RGL2: variants seen among roughly 807,000 people sequenced by gnomAD.
RGL2 encodes ral guanine nucleotide dissociation stimulator like 2.
Under a neutral mutation model 84.6 loss-of-function variants are expected in RGL2, and 40 were observed. That is an observed-to-expected ratio of 0.47 (90% CI 0.37 to 0.62). The LOEUF (loss-of-function observed/expected upper bound fraction) is 0.62, where lower values mean the gene tolerates loss of function less well. Ranked by LOEUF, RGL2 falls within the 20% of genes least tolerant of loss-of-function variation. RGL2 has a pLI of 0.00. For synonymous variants in RGL2, 369 were observed against 417.3 expected (o/e 0.88, Z 1.41); for missense variants, 865 against 1,019.7 (o/e 0.85, Z 2.07).
chr6:33,293,094 CCCAGATCCCTCTCCCCCATAT>C lies in RGL2; in HGVS notation c.1908_1928del (p.Tyr637_Gly643del). 1 of 1,614,184 alleles carries C rather than the reference CCCAGATCCCTCTCCCCCATAT, an allele frequency of 6.2e-7. No homozygotes were observed. Among genetic ancestry groups the C allele is most frequent in the South Asian group, 1.1e-5 (1 of 91,088 alleles). On this transcript the variant is annotated inframe_deletion, in exon 16 of 18. Transcript: ENST00000497454. The surrounding 1 kb of genome is among the most constrained non-coding windows in gnomAD (Gnocchi z 7.0). ...TGATACGGCAATCAGAGGCCCCTGG[CCCAGATCCCTCTCCCCCATAT>C]CCAGTCCCCCCGGAGGCCTCTTCTG...
chr6:33,294,936 T>A lies in RGL2; in HGVS notation c.1278+41A>T, dbSNP rs1767794179. 2 of 1,547,300 alleles carry A rather than the reference T, an allele frequency of 1.3e-6. No homozygotes were observed. The highest frequency in any genetic ancestry group is 1.7e-6 in the Non-Finnish European group (2 of 1,144,580). On this transcript the variant is annotated intron_variant, in intron 10 of 17. Transcript: ENST00000497454. This position sits in a 1 kb window ranked among gnomAD's most constrained non-coding sequence, Gnocchi z 5.0. Reference sequence around the variant, plus strand: ...CCAAAACATACTCCTCACCCCTTCATAATCACCACCCCCACGCCCACCACC... The same window carrying A: ...CCAAAACATACTCCTCACCCCTTCAAAATCACCACCCCCACGCCCACCACC...
Position 33,296,996 on chromosome 6 carries a change from A to C in RGL2, c.240+36T>G. The C allele has an allele frequency of 6.3e-7, 1 of 1,592,042 alleles. No individual in the cohort carries two copies. Among genetic ancestry groups the C allele is most frequent in the Non-Finnish European group, 8.6e-7 (1 of 1,164,316 alleles). ...CCAGAGGAAGGAAAACTGGGAATGA[A>C]GAGTCAGAGGTGAGAAGCTAAAGTC... On this transcript the variant is annotated intron_variant, in intron 3 of 17. Coordinates refer to ENST00000497454, the MANE Select transcript of RGL2 (RefSeq NM_004761.5). This position sits in a 1 kb window ranked among gnomAD's most constrained non-coding sequence, Gnocchi z 5.0.
Position 33,297,121 on chromosome 6 carries a change from G to A in RGL2, c.157-6C>T. On this transcript the variant is annotated splice_region_variant and splice_polypyrimidine_tract_variant and intron_variant, in intron 2 of 17. Transcript: ENST00000497454. The surrounding 1 kb of genome is among the most constrained non-coding windows in gnomAD (Gnocchi z 4.0). ...TCCCAGACGGACACAGGGGCCTGGAGGAGCAAGGAAGGGGAAGTCAGACAG... is the reference window on the plus strand; with the variant it reads ...TCCCAGACGGACACAGGGGCCTGGAAGAGCAAGGAAGGGGAAGTCAGACAG... 1.9e-6 allele frequency: 3 copies of A among 1,543,228 alleles called. No homozygotes were observed. The highest frequency in any genetic ancestry group is 1.8e-4 in the Middle Eastern group (1 of 5,682).
Position 33,297,068 on chromosome 6 carries a change from G to A in RGL2, c.204C>T (p.Thr68=), listed in dbSNP as rs35149921. Residue 68 remains threonine, a synonymous_variant, in exon 3 of 18, where the codon ACC becomes ACT. Coordinates refer to ENST00000497454, the MANE Select transcript of RGL2 (RefSeq NM_004761.5). This position sits in a 1 kb window ranked among gnomAD's most constrained non-coding sequence, Gnocchi z 4.0. ...WDEEEDGAVF[T]VTSRQYRPLD... ...GAGGTCGATATTGGCGGCTTGTGAC[G>A]GTAAACACGGCACCATCCTCCTCCT... The A allele has an allele frequency of 2.2e-3, 3,516 of 1,574,616 alleles. 56 individuals are homozygous for A. In the African/African-American group the frequency reaches 0.038, roughly 17 times the overall value.
At position 33,295,357 on chromosome 6, in the gene RGL2, G is replaced by T; in HGVS notation, c.1086C>A (p.Pro362=). The part of the protein sequence containing the change: ...YAVVSALQSS[P]IHRLRAAWGE... ...CCCAGGCTGCCCGAAGCCTGTGGAT[G>T]GGGCTGGACTGCAGGGCTGACACCA... The change falls in exon 8 of 18, where the codon CCC becomes CCA. Residue 362 remains proline (P), a synonymous_variant. Coordinates refer to ENST00000497454, the MANE Select transcript of RGL2 (RefSeq NM_004761.5). This position sits in a 1 kb window ranked among gnomAD's most constrained non-coding sequence, Gnocchi z 7.2. 1 of 1,598,978 alleles carries T rather than the reference G, an allele frequency of 6.3e-7. No individual in the cohort carries two copies.
Position 33,295,279 on chromosome 6 carries a change from G to A in RGL2, c.1124+40C>T, listed in dbSNP as rs374216950. ...TGTCACCCCCTCTTCCCCGCCTTCT[G>A]AGGAACCCCCACCCCAGTCCAATGC... On this transcript the variant is annotated intron_variant, in intron 8 of 17. Transcript: ENST00000497454. This position sits in a 1 kb window ranked among gnomAD's most constrained non-coding sequence, Gnocchi z 7.2. The A allele has an allele frequency of 6.4e-7, 1 of 1,561,074 alleles. No individual in the cohort carries two copies.
At position 33,294,541 on chromosome 6, in the gene RGL2, G is replaced by A; in HGVS notation, c.1353+147C>T. 1.3e-6 allele frequency: 1 copy of A among 750,928 alleles called. No individual in the cohort carries two copies. The highest frequency in any genetic ancestry group is 2.7e-5 in the East Asian group (1 of 37,226). 46.5% of individuals were successfully genotyped at this position (750,928 alleles called of 1,614,324 possible). On this transcript the variant is annotated intron_variant, in intron 11 of 17. Coordinates refer to ENST00000497454, the MANE Select transcript of RGL2 (RefSeq NM_004761.5). The surrounding 1 kb of genome is among the most constrained non-coding windows in gnomAD (Gnocchi z 5.0). ...TCTAGTTTCCCATTTACAGATCACT[G>A]AGGCGACTTGGCACAGAAACAGATC...
Position 33,294,088 on chromosome 6 carries a change from G to A in RGL2, c.1354-22C>T. The A allele has an allele frequency of 1.9e-6, 3 of 1,606,512 alleles. No homozygotes were observed. The highest frequency in any genetic ancestry group is 2.6e-6 in the Non-Finnish European group (3 of 1,174,952). On this transcript the variant is annotated intron_variant, in intron 11 of 17. Transcript: ENST00000497454. This position sits in a 1 kb window ranked among gnomAD's most constrained non-coding sequence, Gnocchi z 5.0. ...CATTCTGCGAGGAAAATGGGGATGGGGTGAAAGTTCCAACCCTACCTTCCG... is the reference window on the plus strand; with the variant it reads ...CATTCTGCGAGGAAAATGGGGATGGAGTGAAAGTTCCAACCCTACCTTCCG...
In RGL2 at chr6:33,293,343, G is replaced by C; in HGVS notation, c.1717-37C>G. On this transcript the variant is annotated intron_variant, in intron 15 of 17. Transcript: ENST00000497454. This position sits in a 1 kb window ranked among gnomAD's most constrained non-coding sequence, Gnocchi z 7.0. Reference sequence around the variant, plus strand: ...CAACATGGGACTGGCATGAAGGCAGGGAGGTTTAAGGAAGAAACATTTACA... The same window carrying C: ...CAACATGGGACTGGCATGAAGGCAGCGAGGTTTAAGGAAGAAACATTTACA... 1 of 1,574,360 alleles carries C rather than the reference G, an allele frequency of 6.4e-7. No individual in the cohort carries two copies. Among genetic ancestry groups the C allele is most frequent in the Non-Finnish European group, 8.6e-7 (1 of 1,161,546 alleles).
At position 33,295,499 on chromosome 6, in the gene RGL2, C is replaced by G. The variant is rs370280892; in HGVS notation, c.1020+9G>C. On this transcript the variant is annotated intron_variant, in intron 7 of 17. Coordinates refer to ENST00000497454, the MANE Select transcript of RGL2 (RefSeq NM_004761.5). This position sits in a 1 kb window ranked among gnomAD's most constrained non-coding sequence, Gnocchi z 7.2. ...TGGCCACAAACCGTAGGGCAATCTT[C>G]TCTCTCACCTCTGCCACGCGGATCC... 4.3e-6 allele frequency: 7 copies of G among 1,613,154 alleles called. No homozygotes were observed. Among genetic ancestry groups the G allele is most frequent in the Non-Finnish European group, 5.9e-6 (7 of 1,179,416 alleles).
chr6:33,299,623 G>C (rs1194638445), upstream of RGL2: 1 of 152,268 alleles, frequency 6.6e-6, no homozygotes, highest in African/African-American at 2.4e-5. The surrounding 1 kb of genome is among the most constrained non-coding windows in gnomAD (Gnocchi z 5.0). Flanking sequence ...AGCGGTTCAG[G>C]GTCACTGGAA....
chr6:33,297,996 G>A lies in RGL2; in HGVS notation c.156+459C>T, dbSNP rs1425595880. The A allele has an allele frequency of 6.5e-6, 1 of 153,894 alleles. No homozygotes were observed. The highest frequency in any genetic ancestry group is 2.4e-5 in the African/African-American group (1 of 41,388). The allele number at this position is 153,894 out of a possible 1,614,324, so 9.5% of individuals were successfully genotyped here. A position where few individuals can be genotyped will look rare whatever the true frequency, so the allele number is the denominator to read the frequency against. ...GGCCTCTACCCAGGACCGGGGCGGG[G>A]CGGGGGGGCGGGGGGAAGGGGGAGA... On this transcript the variant is annotated intron_variant, in intron 2 of 17. Transcript: ENST00000497454. This position sits in a 1 kb window ranked among gnomAD's most constrained non-coding sequence, Gnocchi z 4.0.
At chr6:33,292,365 A>C in intron 17 of RGL2, 52 bp from the exon 18 acceptor site, 1 of 1,609,376 alleles carries the variant, frequency 6.2e-7, no homozygotes, top group Non-Finnish European at 8.5e-7. Flanking sequence ...TTCCCCCCAC[A>C]GCCGCCCAGA....
Position 33,297,560 on chromosome 6 carries a change from C to A in RGL2, c.157-445G>T, listed in dbSNP as rs147123747. ...CCGCCCCTCCCGGCCAAGGACTATA[C>A]CAGCCCAGAGAATTAGTCTTTTTCA... On this transcript the variant is annotated intron_variant, in intron 2 of 17. Coordinates refer to ENST00000497454, the MANE Select transcript of RGL2 (RefSeq NM_004761.5). The surrounding 1 kb of genome is among the most constrained non-coding windows in gnomAD (Gnocchi z 4.0). The A allele has an allele frequency of 8.1e-3, 1,409 of 174,040 alleles. 17 individuals are homozygous for A. The highest frequency in any genetic ancestry group is 0.043 in the Middle Eastern group (17 of 394). 10.8% of individuals were successfully genotyped at this position (174,040 alleles called of 1,614,324 possible).
intron 16 of RGL2, 51 bp downstream of exon 16, chr6:33,292,965 G>C: frequency 6.2e-7 from 1 of 1,608,052 alleles, no homozygotes; most frequent in South Asian, 1.1e-5. Context: ...AACATTTATA[G>C]TCCAACAAGA....
At chr6:33,300,224 G>C (rs572047447), upstream of RGL2, 4 of 153,850 alleles carry the variant, frequency 2.6e-5, no homozygotes, top group African/African-American at 4.8e-5. Flanking sequence ...CGGGGCGGTG[G>C]GGGGGACAAG....
Position 33,295,576 on chromosome 6 carries a change from C to A in RGL2, c.952G>T (p.Val318Leu), listed in dbSNP as rs1252365378. The A allele has an allele frequency of 6.2e-7, 1 of 1,613,948 alleles. No individual in the cohort carries two copies. Among genetic ancestry groups the A allele is most frequent in the East Asian group, 2.2e-5 (1 of 44,884 alleles). ...GGGGGACGGAGTGGCCGTATGGTCA[C>A]CTCCCCAGGTCCCTCTCCAGTGGAA... ...ATSTGEGPGE[V>L]TIRPLRPPQR... The change falls in exon 7 of 18, where the codon GTG becomes TTG. Residue 318 changes from valine to leucine, a missense_variant. Val to Leu is a conservative substitution (Grantham distance 32). Coordinates refer to ENST00000497454, the MANE Select transcript of RGL2 (RefSeq NM_004761.5). This position sits in a 1 kb window ranked among gnomAD's most constrained non-coding sequence, Gnocchi z 7.2.
Position 33,296,132 on chromosome 6 carries a change from G to T in RGL2, c.664C>A (p.Leu222Ile), listed in dbSNP as rs1435637109. 5.0e-6 allele frequency: 8 copies of T among 1,613,878 alleles called. No individual in the cohort carries two copies. Among genetic ancestry groups the T allele is most frequent in the Non-Finnish European group, 6.8e-6 (8 of 1,180,020 alleles). ...RSRVDPQAPD[L>I]PKPLALPGDP... ...CCGGGGAGGGCCAGGGGCTTAGGAA[G>T]GTCGGGGGCCTGGGGGTCCACCCGG... Residue 222 changes from leucine to isoleucine, a missense_variant, in exon 6 of 18, where the codon CTT becomes ATT. Coordinates refer to ENST00000497454, the MANE Select transcript of RGL2 (RefSeq NM_004761.5). This position sits in a 1 kb window ranked among gnomAD's most constrained non-coding sequence, Gnocchi z 5.0.
In RGL2 at chr6:33,295,564, G is replaced by A; in HGVS notation, c.964C>T (p.Pro322Ser). The change falls in exon 7 of 18, where the codon CCA becomes TCA. Residue 322 changes from proline (P) to serine (S), a missense_variant. This residue lies in a region of RGL2 where 455 missense variants were observed against 507.8 expected (regional missense o/e 0.90). Coordinates refer to ENST00000497454, the MANE Select transcript of RGL2 (RefSeq NM_004761.5). This position sits in a 1 kb window ranked among gnomAD's most constrained non-coding sequence, Gnocchi z 7.2. ...GEGPGEVTIR[P>S]LRPPQRARLL... ...CGGGCCCTCTGTGGGGGACGGAGTG[G>A]CCGTATGGTCACCTCCCCAGGTCCC... The A allele has an allele frequency of 6.2e-7, 1 of 1,613,934 alleles. No homozygotes were observed. Among genetic ancestry groups the A allele is most frequent in the South Asian group, 1.1e-5 (1 of 91,088 alleles).
Sources: gnomAD v4.1 joint callset for allele counts on GRCh38, gnomAD v4.1.1 for gene constraint, gnomAD v4.1.1 regional missense constraint, Gnocchi (gnomAD v3.1) non-coding constraint, MANE v1.5 for transcripts, NCBI Gene and HGNC (gene_info 2026-07-23, HGNC 2026-07-21) for gene names.